ECHDC2: variants seen among roughly 807,000 people sequenced by gnomAD.
The protein encoded by ECHDC2 is enoyl-CoA hydratase domain-containing protein 2, mitochondrial.
In ECHDC2, 34 loss-of-function variants were observed where a neutral mutation model predicts 40.6. That is an observed-to-expected ratio of 0.84 (90% CI 0.64 to 1.11). The LOEUF (loss-of-function observed/expected upper bound fraction) is 1.11, where lower values mean the gene tolerates loss of function less well. Among genes scored for constraint, ECHDC2 ranks in the 50% most tolerant of loss-of-function variants. The probability of loss-of-function intolerance (pLI) is 0.00; values close to 1 mark genes in which losing one functional copy is unlikely to be tolerated. For missense variants in ECHDC2, 392 were observed against 400.7 expected, an observed-to-expected ratio of 0.98 and a Z score of 0.19; for synonymous variants, 162 against 166.6, an observed-to-expected ratio of 0.97 and a Z score of 0.21.
rs1646735147 is a variant in ECHDC2, at chr1:52,897,843, T to A, written c.754-359A>T. 1.6e-5 allele frequency: 6 copies of A among 374,438 alleles called. No homozygotes were observed. In the South Asian group the frequency reaches 1.8e-4, roughly 11 times the overall value. The allele number at this position is 374,438 out of a possible 1,614,324, so 23.2% of individuals were successfully genotyped here. A position where few individuals can be genotyped will look rare whatever the true frequency, so the allele number is the denominator to read the frequency against. ...CTCATTCTAAGAGAAGTACCATGTG[T>A]GTGTGAACTTAATTTTCACAGCAAG... On this transcript the variant is annotated intron_variant, in intron 8 of 9. Transcript: ENST00000371522.
In ECHDC2 at chr1:52,901,083, G is replaced by A. The variant is rs547350608; in HGVS notation, c.703-1859C>T. ...TTAGGTGGAAGGATCACTTGGGCCT[G>A]AGAGGTCAATGCTCCAGTGAGCTGT... On this transcript the variant is annotated intron_variant, in intron 7 of 9. Coordinates refer to ENST00000371522, the MANE Select transcript of ECHDC2 (RefSeq NM_001198961.2). The A allele has an allele frequency of 5.9e-5, 9 of 152,272 alleles. No homozygotes were observed. The South Asian group carries it at 1.7e-3, about 28-fold the overall frequency. The allele number at this position is 152,272 out of a possible 1,614,324, so 9.4% of individuals were successfully genotyped here. A position where few individuals can be genotyped will look rare whatever the true frequency, so the allele number is the denominator to read the frequency against.
At position 52,921,561 on chromosome 1, in the gene ECHDC2, G is replaced by A. The variant is rs779581866; in HGVS notation, c.113C>T (p.Pro38Leu). ...CGGAACTGCACATTTACCTTGGTCCGGACCCGCCAGGGCGCGCACTTGGAT... is the reference window on the plus strand; with the variant it reads ...CGGAACTGCACATTTACCTTGGTCCAGACCCGCCAGGGCGCGCACTTGGAT... ...SEIQVRALAG[P>L]DQGITEILMN... The change falls in exon 1 of 10, where the codon CCG becomes CTG. Residue 38 changes from proline (P) to leucine (L), a missense_variant. By Grantham distance (98) the Pro-to-Leu change is moderately conservative. Transcript: ENST00000371522. 6.2e-7 allele frequency: 1 copy of A among 1,609,436 alleles called. No homozygotes were observed. The highest frequency in any genetic ancestry group is 8.5e-7 in the Non-Finnish European group (1 of 1,178,522).
At chr1:52,915,175 G>A (rs1335332975) in intron 1 of ECHDC2, 1 of 455,386 alleles carries the variant, frequency 2.2e-6, no homozygotes, top group African/African-American at 2.0e-5. Flanking sequence ...CGAAAAATCA[G>A]GATGGACATT....
At chr1:52,907,607 G>A in intron 4 of ECHDC2, 1 of 423,104 alleles carries the variant, frequency 2.4e-6, no homozygotes, top group Non-Finnish European at 4.2e-6. Context: ...TTGAAAGCAT[G>A]CTTGGGGAAA....
chr1:52,911,506 A>C, intron 3 of ECHDC2, 60 bp downstream of exon 3: 1 of 1,536,422 alleles, frequency 6.5e-7, no homozygotes, highest in Admixed American at 1.7e-5. Flanking sequence ...GTTTCCCCCA[A>C]CCCCTGGAGG....
At chr1:52,920,634 T>C in intron 1 of ECHDC2, 1 of 912,534 alleles carries the variant, frequency 1.1e-6, no homozygotes, top group Non-Finnish European at 1.8e-6. Context: ...TGACCCTTTA[T>C]TTCATCAGTA....
At chr1:52,903,125 A>G (rs541914997) in intron 7 of ECHDC2, among the ~76,000 whole-genome samples, 2 of 152,164 alleles carry the variant, frequency 1.3e-5, no homozygotes, top group African/African-American at 4.8e-5. Context: ...AGACAGCCAG[A>G]TCCCAGATAT....
rs1650325519 is a variant in ECHDC2, at chr1:52,914,871, T to TC, written c.122-3082_122-3081insG. ...TCCTGCATCCCTCGGATCACCCACCTGGCCCTCGAGTCCTCAGTCTTGCTC... is the reference window on the plus strand; with the variant it reads ...TCCTGCATCCCTCGGATCACCCACCTCGGCCCTCGAGTCCTCAGTCTTGCTC... On this transcript the variant is annotated intron_variant, in intron 1 of 9. Transcript: ENST00000371522. This position sits in a 1 kb window ranked among gnomAD's most constrained non-coding sequence, Gnocchi z 4.0. Among the ~76,000 whole-genome samples the TC allele has an allele frequency of 1.3e-5, 2 of 152,180 alleles. No individual in the cohort carries two copies. Among genetic ancestry groups the TC allele is most frequent in the Non-Finnish European group, 2.9e-5 (2 of 68,030 alleles).
intron 9 of ECHDC2, chr1:52,896,952 T>C (rs1443346782): frequency 3.2e-6 from 1 of 307,840 alleles, no homozygotes; most frequent in African/African-American, 2.1e-5. Flanking sequence ...TTCACACTAG[T>C]TTCTCCAAGT....
rs1199736495 is a variant in ECHDC2, at chr1:52,904,746, G to C, written c.602C>G (p.Ala201Gly). The C allele has an allele frequency of 6.2e-7, 1 of 1,612,750 alleles. No individual in the cohort carries two copies. The highest frequency in any genetic ancestry group is 1.7e-5 in the Admixed American group (1 of 60,010). The change falls in exon 7 of 10, where the codon GCC (alanine) becomes GGC (glycine). Residue 201 changes from alanine to glycine, a missense_variant. Coordinates refer to ENST00000371522, the MANE Select transcript of ECHDC2 (RefSeq NM_001198961.2). ...FTGRRLSGTE[A>G]HVLGLVNHAV... ...GTGATTCACCAGCCCCAGTACGTGG[G>C]CCTCAGTTCCACTCAGTCGTCGGCC...
intron 4 of ECHDC2, 27 bp downstream of exon 4, chr1:52,907,838 CCCT>C (rs781384773): frequency 2.5e-6 from 4 of 1,588,106 alleles, no homozygotes; most frequent in Non-Finnish European, 2.6e-6. Context: ...CCCCCAAACC[CCCT>C]CCTCCACCCC....
Position 52,921,566 on chromosome 1 carries a change from C to T in ECHDC2, c.108G>A (p.Ala36=), listed in dbSNP as rs1216864059. ...CTGCACATTTACCTTGGTCCGGACCCGCCAGGGCGCGCACTTGGATCTCTG... is the reference window on the plus strand; with the variant it reads ...CTGCACATTTACCTTGGTCCGGACCTGCCAGGGCGCGCACTTGGATCTCTG... The part of the protein sequence containing the change: ...GGSEIQVRAL[A]GPDQGITEIL... Residue 36 remains alanine, a synonymous_variant, in exon 1 of 10, where the codon GCG becomes GCA. Transcript: ENST00000371522. The T allele has an allele frequency of 6.2e-7, 1 of 1,609,642 alleles. No individual in the cohort carries two copies. The highest frequency in any genetic ancestry group is 8.5e-7 in the Non-Finnish European group (1 of 1,178,606).
chr1:52,918,934 G>A (rs1651320519), intron 1 of ECHDC2, among the ~76,000 whole-genome samples: 1 of 152,112 alleles, frequency 6.6e-6, no homozygotes, highest in Admixed American at 6.5e-5. Flanking sequence ...AGCTTCATCT[G>A]TATTTACAGC....
chr1:52,921,723 G>T lies in ECHDC2; in HGVS notation c.-50C>A, dbSNP rs1366479899. ...TGCTTCTCCGGCCCTGCACCGTCTCGGCTCCCGCTGAGAGCTCGCAGTTCC... is the reference window on the plus strand; with the variant it reads ...TGCTTCTCCGGCCCTGCACCGTCTCTGCTCCCGCTGAGAGCTCGCAGTTCC... On this transcript the variant is annotated 5_prime_UTR_variant, in exon 1 of 10. Transcript: ENST00000371522. 2 of 1,429,772 alleles carry T rather than the reference G, an allele frequency of 1.4e-6. No individual in the cohort carries two copies. The highest frequency in any genetic ancestry group is 3.0e-5 in the Admixed American group (1 of 33,810). 88.6% of individuals were successfully genotyped at this position (1,429,772 alleles called of 1,614,324 possible). A position where few individuals can be genotyped will look rare whatever the true frequency, so the allele number is the denominator to read the frequency against.
chr1:52,904,507 T>C, intron 7 of ECHDC2, 139 bp downstream of exon 7: 1 of 756,186 alleles, frequency 1.3e-6, no homozygotes. Context: ...TTGTGTTTAC[T>C]GGATGGTTAA....
rs915260166 is a variant in ECHDC2, at chr1:52,914,810, C to G, written c.122-3020G>C. ...GAGATCTCAGGCCTCTCAGCTCACA[C>G]CGCTTCTCACAGCCATTAATCTGGC... On this transcript the variant is annotated intron_variant, in intron 1 of 9. Coordinates refer to ENST00000371522, the MANE Select transcript of ECHDC2 (RefSeq NM_001198961.2). This position sits in a 1 kb window ranked among gnomAD's most constrained non-coding sequence, Gnocchi z 4.0. Among the ~76,000 whole-genome samples the G allele has an allele frequency of 1.3e-5, 2 of 152,176 alleles. No homozygotes were observed. The highest frequency in any genetic ancestry group is 4.8e-5 in the African/African-American group (2 of 41,428).
rs1224675333 is a variant in ECHDC2 at position 52,906,764 on chromosome 1, C to CTT, written c.365-155_365-154dup. Among the ~76,000 whole-genome samples, 608 of 131,126 alleles carry CTT rather than the reference C, an allele frequency of 4.6e-3. 7 individuals are homozygous for CTT. The highest frequency in any genetic ancestry group is 0.016 in the African/African-American group (580 of 35,786). The allele number at this position is 131,126 out of a possible 152,430, so 86.0% of individuals were successfully genotyped here. A position where few individuals can be genotyped will look rare whatever the true frequency, so the allele number is the denominator to read the frequency against. On this transcript the variant is annotated intron_variant, in intron 4 of 9. Coordinates refer to ENST00000371522, the MANE Select transcript of ECHDC2 (RefSeq NM_001198961.2). Reference sequence around the variant, plus strand: ...GAACCTCAGCCAGGTTATCTTAATTCTTTTTTTTTTTTTTTTTTGAGACGG... The same window carrying CTT: ...GAACCTCAGCCAGGTTATCTTAATTCTTTTTTTTTTTTTTTTTTTTGAGACGG...
chr1:52,910,352 GTTTTTTTTTTTTTTTTTT>G (rs869088329), intron 3 of ECHDC2, among the ~76,000 whole-genome samples: 25 of 32,100 alleles, frequency 7.8e-4, no homozygotes, highest in South Asian at 5.3e-3. Flanking sequence ...CCACAATTTC[GTTTTTTTTTTTTTTTTTT>G]TTTTTTTTTT....
intron 3 of ECHDC2, among the ~76,000 whole-genome samples, chr1:52,911,359 G>A (rs1007722293): frequency 2.6e-5 from 4 of 152,170 alleles, no homozygotes; most frequent in Admixed American, 1.3e-4. Flanking sequence ...AAGGGTTAGA[G>A]AGGCCAAGTT....
Sources: allele counts gnomAD v4.1 joint callset (sites outside exome capture counted in the v4.1 genomes callset), GRCh38; gene constraint gnomAD v4.1.1; non-coding constraint Gnocchi (gnomAD v3.1); transcripts MANE v1.5; gene names NCBI Gene and HGNC (gene_info 2026-07-23, HGNC 2026-07-21).